INPP5B: variants seen among roughly 807,000 people sequenced by gnomAD.
INPP5B encodes inositol polyphosphate-5-phosphatase B, also known as type II inositol 1,4,5-trisphosphate 5-phosphatase.
INPP5B carries 90 observed loss-of-function variants against 118.5 expected under a neutral mutation model. The observed-to-expected ratio is 0.76, with a 90% confidence interval of 0.64 to 0.90. INPP5B has a LOEUF of 0.90. Among genes scored for constraint, INPP5B ranks in the 40% least tolerant of loss-of-function variants. The pLI, the probability that INPP5B is intolerant of heterozygous loss-of-function variation, is 0.00. For synonymous variants in INPP5B, 385 were observed against 418.9 expected (o/e 0.92, Z 0.99); for missense variants, 984 against 1,125.6 (o/e 0.87, Z 1.80).
Position 37,865,815 on chromosome 1 carries a change from G to GT in INPP5B, c.2459dup (p.Tyr820Ter), listed in dbSNP as rs754222392. 8 of 1,613,734 alleles carry GT rather than the reference G, an allele frequency of 5.0e-6. No individual in the cohort carries two copies. Among genetic ancestry groups the GT allele is most frequent in the Non-Finnish European group, 5.9e-6 (7 of 1,179,816 alleles). ...LESLPEPVIC[Y>*]STYHNCLECS... ...ACTCCAAGCAGTTATGGTAGGTGCT[G>GT]TAACAGATGACAGGCTCTGGAAGGC... The change falls in exon 22 of 24, where the codon TAC becomes TAAC. Residue 820 changes from tyrosine to a stop codon, truncating the protein, a stop_gained and frameshift_variant. Transcript: ENST00000373024. LOFTEE classifies it high-confidence loss of function.
At chr1:37,945,246 C>T (rs775854065) in intron 3 of INPP5B, among the ~76,000 whole-genome samples, 17 of 152,146 alleles carry the variant, frequency 1.1e-4, no homozygotes, top group African/African-American at 2.7e-4. Context: ...GCCTGGCCAA[C>T]GTGGTGAAAC....
chr1:37,906,789 G>A (rs1387683371), intron 7 of INPP5B, among the ~76,000 whole-genome samples: 1 of 151,206 alleles, frequency 6.6e-6, no homozygotes, highest in African/African-American at 2.4e-5. Context: ...GAACCCAGCA[G>A]GTGGAGGTTG....
chr1:37,878,857 C>G (rs1348518202), intron 15 of INPP5B, among the ~76,000 whole-genome samples: 2 of 150,910 alleles, frequency 1.3e-5, no homozygotes, highest in African/African-American at 4.8e-5. Flanking sequence ...ACCATGTTGC[C>G]CAGGCTGGTC....
intron 6 of INPP5B, among the ~76,000 whole-genome samples, chr1:37,934,113 T>A (rs927053701): frequency 2.0e-5 from 3 of 151,916 alleles, no homozygotes; most frequent in African/African-American, 7.3e-5. Flanking sequence ...TTTGTATTTT[T>A]AGTAGAGGCG....
chr1:37,946,665 C>T (rs549276545), intron 1 of INPP5B, among the ~76,000 whole-genome samples: 33 of 152,158 alleles, frequency 2.2e-4, no homozygotes, highest in African/African-American at 7.7e-4. Flanking sequence ...TCCCTTTGCT[C>T]CTAGGACATG....
chr1:37,911,983 G>GTAC (rs1399712465), intron 7 of INPP5B, among the ~76,000 whole-genome samples: 2 of 152,152 alleles, frequency 1.3e-5, no homozygotes, highest in African/African-American at 4.8e-5. Context: ...ATGCTACAGG[G>GTAC]TACTGTCCAT....
At chr1:37,870,579 C>G (rs1305245332) in intron 19 of INPP5B, 2 of 152,232 alleles carry the variant, frequency 1.3e-5, no homozygotes, top group Non-Finnish European at 2.9e-5. Context: ...TGGCCCTAAA[C>G]AAGACACCTC....
At chr1:37,863,839 G>A (rs993116934) in intron 23 of INPP5B, among the ~76,000 whole-genome samples, 1 of 146,190 alleles carries the variant, frequency 6.8e-6, no homozygotes, top group Non-Finnish European at 1.5e-5. Context: ...TTTTGAGATG[G>A]AGTCTCACTC....
At chr1:37,879,500 T>G (rs2148487375) in intron 15 of INPP5B, among the ~76,000 whole-genome samples, 1 of 152,042 alleles carries the variant, frequency 6.6e-6, no homozygotes, top group Admixed American at 6.6e-5. Flanking sequence ...TGGTAAGCAC[T>G]AATAAAAATA....
chr1:37,886,685 C>T (rs1207742626), intron 12 of INPP5B, among the ~76,000 whole-genome samples: 2 of 152,182 alleles, frequency 1.3e-5, no homozygotes, highest in South Asian at 2.1e-4. Flanking sequence ...TGAGGACAGG[C>T]GCTAATTGGT....
At chr1:37,901,558 G>A (rs1038326122) in intron 7 of INPP5B, among the ~76,000 whole-genome samples, 1 of 152,150 alleles carries the variant, frequency 6.6e-6, no homozygotes, top group East Asian at 1.9e-4. Context: ...TTCAGTTCAC[G>A]GCCAGGGGTA....
chr1:37,908,582 G>GAA (rs758741711), intron 7 of INPP5B, among the ~76,000 whole-genome samples: 10 of 117,484 alleles, frequency 8.5e-5, no homozygotes, highest in African/African-American at 2.5e-4. Flanking sequence ...CCAGAAAAAG[G>GAA]AAAAAAAAAA....
chr1:37,898,418 G>A (rs1402190827), intron 7 of INPP5B, among the ~76,000 whole-genome samples: 3 of 152,310 alleles, frequency 2.0e-5, no homozygotes, highest in South Asian at 2.1e-4. Flanking sequence ...AAACTGGGCT[G>A]GGCACGGTGG....
rs772555349 is a variant in INPP5B, at chr1:37,891,502, T to C, written c.533-48A>G. ...AAAATATACATACATAGGCTGGACATGGTGGCTCATGCCTGTAATCCCAGC... is the reference window on the plus strand; with the variant it reads ...AAAATATACATACATAGGCTGGACACGGTGGCTCATGCCTGTAATCCCAGC... On this transcript the variant is annotated intron_variant, in intron 7 of 23. Coordinates refer to ENST00000373024, the MANE Select transcript of INPP5B (RefSeq NM_005540.3). 3.7e-6 allele frequency: 5 copies of C among 1,345,332 alleles called. No individual in the cohort carries two copies. The South Asian group carries it at 4.7e-5, about 13-fold the overall frequency. 83.3% of individuals were successfully genotyped at this position (1,345,332 alleles called of 1,614,324 possible). A position where few individuals can be genotyped will look rare whatever the true frequency, so the allele number is the denominator to read the frequency against.
chr1:37,918,359 T>A (rs1644943620), intron 7 of INPP5B, among the ~76,000 whole-genome samples: 1 of 152,154 alleles, frequency 6.6e-6, no homozygotes, highest in South Asian at 2.1e-4. Context: ...CCTTCATCAA[T>A]CCATCACCCA....
At chr1:37,946,108 C>G in intron 2 of INPP5B, 144 bp downstream of exon 2, 1 of 798,098 alleles carries the variant, frequency 1.3e-6, no homozygotes, top group Admixed American at 2.3e-5. Flanking sequence ...GAGTCCAGGA[C>G]TCAGTAAGTA....
chr1:37,934,654 GA>G (rs1320910324), intron 6 of INPP5B, among the ~76,000 whole-genome samples: 2 of 152,144 alleles, frequency 1.3e-5, no homozygotes, highest in Non-Finnish European at 2.9e-5. Flanking sequence ...CCTCCCTGAG[GA>G]AATCCCCATC....
intron 14 of INPP5B, among the ~76,000 whole-genome samples, chr1:37,881,870 TG>T (rs1379476132): frequency 6.6e-6 from 1 of 151,998 alleles, no homozygotes; most frequent in Non-Finnish European, 1.5e-5. Context: ...GAGGCTGAGG[TG>T]GATGGATCAC....
chr1:37,901,961 C>T (rs368765208), intron 7 of INPP5B, among the ~76,000 whole-genome samples: 8 of 151,238 alleles, frequency 5.3e-5, no homozygotes, highest in Admixed American at 1.3e-4. Context: ...TCCCCATGTT[C>T]GGTCACCAAG....
Sources: allele counts gnomAD v4.1 joint callset (sites outside exome capture counted in the v4.1 genomes callset), GRCh38; gene constraint gnomAD v4.1.1; transcripts MANE v1.5; gene names NCBI Gene and HGNC (gene_info 2026-07-23, HGNC 2026-07-21).